The following PHF3 variants were observed in gnomAD, a reference collection of about 807,000 sequenced individuals.
The protein encoded by PHF3 is PHD finger protein 3.
Under a neutral mutation model 178.4 loss-of-function variants are expected in PHF3, and 41 were observed. That is an observed-to-expected ratio of 0.23 (90% CI 0.18 to 0.30). The LOEUF (loss-of-function observed/expected upper bound fraction) is 0.30. Ranked by LOEUF, PHF3 falls within the 10% of genes least tolerant of loss-of-function variation. The pLI, the probability that PHF3 is intolerant of heterozygous loss-of-function variation, is 1.00. For missense variants in PHF3, 2,346 were observed against 2,398.1 expected (o/e 0.98, Z 0.45); for synonymous variants, 842 against 800.5 (o/e 1.05, Z -0.88).
At chr6:63,700,065 A>T (rs962965149) in intron 8 of PHF3, among the ~76,000 whole-genome samples, 6 of 152,118 alleles carry the variant, frequency 3.9e-5, no homozygotes, top group Non-Finnish European at 8.8e-5. Context: ...TTATGGTTAT[A>T]TTGTGTCCCT....
In PHF3 at chr6:63,714,748, C is replaced by T. The variant is rs1292054752; in HGVS notation, c.*1040C>T. The T allele has an allele frequency of 6.6e-6, 1 of 152,022 alleles. No homozygotes were observed. The highest frequency in any genetic ancestry group is 1.5e-5 in the Non-Finnish European group (1 of 67,974). 9.4% of individuals were successfully genotyped at this position (152,022 alleles called of 1,614,324 possible). On this transcript the variant is annotated 3_prime_UTR_variant, in exon 16 of 16. Coordinates refer to ENST00000262043, the MANE Select transcript of PHF3 (RefSeq NM_001370348.2). ...TTTTACACCATCGCAATTTGGTACT[C>T]TGACTCACTAATCATTAAAATTAAA... is the stretch of plus-strand genomic sequence containing the variant.
At chr6:63,698,795 C>G (rs973198967) in intron 8 of PHF3, among the ~76,000 whole-genome samples, 190 bp downstream of exon 8, 8 of 152,108 alleles carry the variant, frequency 5.3e-5, no homozygotes, top group Non-Finnish European at 1.0e-4. Flanking sequence ...ATTAACCATT[C>G]AGTCTACTGA....
chr6:63,693,966 A>AT lies in PHF3; in HGVS notation c.2497-613dup, dbSNP rs1256374863. Among the ~76,000 whole-genome samples, 4 of 152,384 alleles carry AT rather than the reference A, an allele frequency of 2.6e-5. No individual in the cohort carries two copies. In the South Asian group the frequency reaches 8.3e-4, roughly 32 times the overall value. ...CAAAAACCAGACAAATAAATAAAAA[A>AT]TTAGAGGATTCTTAGTCTAGAGAAA... On this transcript the variant is annotated intron_variant, in intron 5 of 15. Coordinates refer to ENST00000262043, the MANE Select transcript of PHF3 (RefSeq NM_001370348.2).
chr6:63,691,842 C>G lies in PHF3; in HGVS notation c.2295C>G (p.Val765=). 2 of 1,613,636 alleles carry G rather than the reference C, an allele frequency of 1.2e-6. No individual in the cohort carries two copies. Among genetic ancestry groups the G allele is most frequent in the Admixed American group, 1.7e-5 (1 of 59,978 alleles). The change falls in exon 5 of 16, where the codon GTC becomes GTG. Residue 765 remains valine, a synonymous_variant. Coordinates refer to ENST00000262043, the MANE Select transcript of PHF3 (RefSeq NM_001370348.2). ...TGGGCGAGGAAGACAAAGAATATGT[C>G]TGTGTAAAATGTTGTGCTGAAGAAG... ...QQMGEEDKEY[V]CVKCCAEEDK...
chr6:63,669,729 C>T (rs774977741), intron 2 of PHF3, among the ~76,000 whole-genome samples: 2 of 152,042 alleles, frequency 1.3e-5, no homozygotes. Flanking sequence ...AAGGGATTAC[C>T]CATTCTAAAC....
chr6:63,697,976 T>C (rs1217538569), intron 6 of PHF3, among the ~76,000 whole-genome samples: 2 of 152,140 alleles, frequency 1.3e-5, no homozygotes, highest in Admixed American at 1.3e-4. Context: ...TTAATTAATA[T>C]ATATGTGTGG....
chr6:63,692,103 G>A (rs1448665918), intron 5 of PHF3, 60 bp downstream of exon 5: 1 of 1,181,158 alleles, frequency 8.5e-7, no homozygotes, highest in Non-Finnish European at 1.2e-6. Context: ...TGGACTGACT[G>A]CAATAATTTT....
At chr6:63,649,763 C>T (rs1370052682) in intron 2 of PHF3, among the ~76,000 whole-genome samples, 1 of 152,180 alleles carries the variant, frequency 6.6e-6, no homozygotes, top group Non-Finnish European at 1.5e-5. Context: ...ATTACTTCAT[C>T]TAATTGTAGT....
rs1030529126 is a variant in PHF3, at chr6:63,716,515, C to A, written c.*2807C>A. Among the ~76,000 whole-genome samples, 1 of 152,068 alleles carries A rather than the reference C, an allele frequency of 6.6e-6. No individual in the cohort carries two copies. The highest frequency in any genetic ancestry group is 1.5e-5 in the Non-Finnish European group (1 of 68,000). ...AATCCTAATTCTCTATTCCTGTTTT[C>A]TATTGCTGTTGTGATGAATTACTAC... On this transcript the variant is annotated 3_prime_UTR_variant, in exon 16 of 16. Transcript: ENST00000262043.
rs139944387 is a variant in PHF3 at position 63,720,794 on chromosome 6, T to C, written c.*7086T>C. 4.2e-4 allele frequency: 644 copies of C among 1,551,126 alleles called. 3 individuals carry two copies. The East Asian group carries it at 0.015, about 35-fold the overall frequency. On this transcript the variant is annotated 3_prime_UTR_variant, in exon 16 of 16. Coordinates refer to ENST00000262043, the MANE Select transcript of PHF3 (RefSeq NM_001370348.2). ...CTAGATAACAAATGCCATCATAGTT[T>C]AGAGCCACAAAGTTTTTATGTGGAT...
At chr6:63,690,680 A>C (rs992045261) in intron 4 of PHF3, among the ~76,000 whole-genome samples, 1 of 152,164 alleles carries the variant, frequency 6.6e-6, no homozygotes, top group Non-Finnish European at 1.5e-5. Flanking sequence ...AAATCCTTCT[A>C]AGTCTTTCAG....
chr6:63,712,837 CTG>C lies in PHF3; in HGVS notation c.5252_5253del (p.Val1751AlafsTer15). 1.2e-6 allele frequency: 2 copies of C among 1,614,028 alleles called. No homozygotes were observed. The highest frequency in any genetic ancestry group is 1.7e-6 in the Non-Finnish European group (2 of 1,179,968). ...GATATTTTAATGCAAAATATTGAAACTGTGCACCCATTTCGAAGAGGATCAGC... is the reference window on the plus strand; with the variant it reads ...GATATTTTAATGCAAAATATTGAAACTGCACCCATTTCGAAGAGGATCAGC... On this transcript the variant is annotated frameshift_variant, in exon 16 of 16. Transcript: ENST00000262043. LOFTEE classifies it high-confidence loss of function.
At chr6:63,679,905 C>T (rs771368510) in intron 2 of PHF3, 95 bp from the exon 3 acceptor site, 3 of 987,528 alleles carry the variant, frequency 3.0e-6, no homozygotes, top group Non-Finnish European at 4.8e-6. Flanking sequence ...TGTAGTGTTA[C>T]ATTAAGACTA....
In PHF3 at chr6:63,715,593, G is replaced by A. The variant is rs866115569; in HGVS notation, c.*1885G>A. On this transcript the variant is annotated 3_prime_UTR_variant, in exon 16 of 16. Coordinates refer to ENST00000262043, the MANE Select transcript of PHF3 (RefSeq NM_001370348.2). ...TAGGTCAGTTTTTGATCACCTCTTC[G>A]CTAATAGTTTTTTCTACATATCTAA... 2 of 152,008 alleles carry A rather than the reference G, an allele frequency of 1.3e-5. No homozygotes were observed. Among genetic ancestry groups the A allele is most frequent in the South Asian group, 2.1e-4 (1 of 4,826 alleles). The allele number at this position is 152,008 out of a possible 1,614,324, so 9.4% of individuals were successfully genotyped here.
chr6:63,676,503 A>C (rs1766171288), intron 2 of PHF3, among the ~76,000 whole-genome samples: 1 of 152,192 alleles, frequency 6.6e-6, no homozygotes, highest in Non-Finnish European at 1.5e-5. Context: ...TATTTGGGAG[A>C]AGAGCCTTCA....
chr6:63,635,927 G>GGCT lies in PHF3; in HGVS notation c.-246_-244dup, dbSNP rs1040046533. The stretch of plus-strand genomic sequence containing the variant: ...CGACCTTCGGGCTCAGGGCGGCGGC[G>GGCT]GCTGCAACGAGGATTAGGAGGGCGG... On this transcript the variant is annotated 5_prime_UTR_variant, in exon 1 of 16. Transcript: ENST00000262043. The GGCT allele has an allele frequency of 2.5e-6, 1 of 397,852 alleles. No individual in the cohort carries two copies. The highest frequency in any genetic ancestry group is 2.1e-5 in the African/African-American group (1 of 48,552). 24.6% of individuals were successfully genotyped at this position (397,852 alleles called of 1,614,324 possible).
At chr6:63,649,841 G>GT (rs1435448114) in intron 2 of PHF3, among the ~76,000 whole-genome samples, 1 of 152,130 alleles carries the variant, frequency 6.6e-6, no homozygotes, top group African/African-American at 2.4e-5. Context: ...AAGCAAAAGA[G>GT]TATTTTCCCA....
In PHF3 at chr6:63,712,652, G is replaced by C. The variant is rs746298736; in HGVS notation, c.5064G>C (p.Lys1688Asn). 1 of 1,613,898 alleles carries C rather than the reference G, an allele frequency of 6.2e-7. No homozygotes were observed. ...KHMLPGLSHN[K>N]EHLTEQINVE... ...TGCTGCCTGGCCTGTCACACAACAA[G>C]GAGCACTTAACAGAACAAATCAATG... The change falls in exon 16 of 16, where the codon AAG (lysine) becomes AAC (asparagine). Residue 1688 changes from lysine to asparagine, a missense_variant. Lys to Asn is a moderately conservative substitution (Grantham distance 94). Coordinates refer to ENST00000262043, the MANE Select transcript of PHF3 (RefSeq NM_001370348.2).
At chr6:63,683,974 A>G (rs909140444) in intron 3 of PHF3, among the ~76,000 whole-genome samples, 155 bp from the exon 4 acceptor site, 5 of 152,132 alleles carry the variant, frequency 3.3e-5, no homozygotes, top group African/African-American at 1.2e-4. Flanking sequence ...ATATGTGTAT[A>G]TATATCATGT....
Sources: gnomAD v4.1 joint callset for allele counts (sites outside exome capture counted in the v4.1 genomes callset) on GRCh38, gnomAD v4.1.1 for gene constraint, MANE v1.5 for transcripts, NCBI Gene and HGNC (gene_info 2026-07-23, HGNC 2026-07-21) for gene names.